The following FAF1 variants were observed in gnomAD, a reference collection of about 807,000 sequenced individuals.
FAF1 encodes the protein FAS-associated factor 1.
In FAF1, 25 loss-of-function variants were observed where a neutral mutation model predicts 92.5. That is an observed-to-expected ratio of 0.27 (90% CI 0.20 to 0.38). The LOEUF (loss-of-function observed/expected upper bound fraction) is 0.38, where lower values mean the gene tolerates loss of function less well. Ranked by LOEUF, FAF1 falls within the 10% of genes least tolerant of loss-of-function variation. The pLI is 1.00. For synonymous variants in FAF1, 234 were observed against 273.2 expected (o/e 0.86, Z 1.42); for missense variants, 636 against 793.3 (o/e 0.80, Z 2.38).
At chr1:50,762,537 A>T (rs1341478153) in intron 4 of FAF1, among the ~76,000 whole-genome samples, 1 of 152,078 alleles carries the variant, frequency 6.6e-6, no homozygotes, top group Non-Finnish European at 1.5e-5. Context: ...ATAACACCAC[A>T]TATCTACAAC....
chr1:50,681,572 A>G lies in FAF1; in HGVS notation c.657+24214T>C, dbSNP rs368216269. On this transcript the variant is annotated intron_variant, in intron 7 of 18. Coordinates refer to ENST00000396153, the MANE Select transcript of FAF1 (RefSeq NM_007051.3). Reference sequence around the variant, plus strand: ...GCCCATGCTCGAGTGCAATGGCGCAATCTCGTCTCACTGAAACCTCTGCCC... The same window carrying G: ...GCCCATGCTCGAGTGCAATGGCGCAGTCTCGTCTCACTGAAACCTCTGCCC... Among the ~76,000 whole-genome samples, 28 of 151,620 alleles carry G rather than the reference A, an allele frequency of 1.8e-4. No homozygotes were observed. In the South Asian group the frequency reaches 4.6e-3, roughly 25 times the overall value.
chr1:50,450,444 C>T (rs948256484), intron 18 of FAF1, among the ~76,000 whole-genome samples: 1 of 152,150 alleles, frequency 6.6e-6, no homozygotes, highest in Admixed American at 6.5e-5. Context: ...CCAGTCATTA[C>T]CCTTCACTGC....
intron 1 of FAF1, among the ~76,000 whole-genome samples, chr1:50,896,819 G>C (rs779680243): frequency 7.9e-5 from 12 of 152,200 alleles, no homozygotes; most frequent in Admixed American, 2.0e-4. Context: ...AATGCATACA[G>C]AGTTTCAGTT....
At chr1:50,794,126 G>A (rs955653899) in intron 3 of FAF1, among the ~76,000 whole-genome samples, 2 of 152,214 alleles carry the variant, frequency 1.3e-5, no homozygotes, top group African/African-American at 2.4e-5. Flanking sequence ...GCATGTTAGG[G>A]ATTAGCAGAC....
chr1:50,815,201 T>C (rs1247200410), intron 2 of FAF1, among the ~76,000 whole-genome samples: 3 of 152,132 alleles, frequency 2.0e-5, no homozygotes, highest in Admixed American at 6.5e-5. Context: ...GCAGAGTACC[T>C]AATAGGTACT....
chr1:50,655,997 T>C (rs1655091469), intron 7 of FAF1, among the ~76,000 whole-genome samples: 1 of 152,180 alleles, frequency 6.6e-6, no homozygotes, highest in Admixed American at 6.5e-5. Context: ...ATTGTCTTCA[T>C]ATTTTTTATG....
chr1:50,869,306 T>C lies in FAF1; in HGVS notation c.46-11309A>G, dbSNP rs11205786. Reference sequence around the variant, plus strand: ...TAGTCAGGTCTTGCTTTTTATCCACTACAACAACATCTGCCTCTATATCAA... The same window carrying C: ...TAGTCAGGTCTTGCTTTTTATCCACCACAACAACATCTGCCTCTATATCAA... On this transcript the variant is annotated intron_variant, in intron 1 of 18. Coordinates refer to ENST00000396153, the MANE Select transcript of FAF1 (RefSeq NM_007051.3). 9.9e-3 allele frequency among the ~76,000 whole-genome samples: 1,509 copies of C among 152,280 alleles called. 23 individuals are homozygous for C. Among genetic ancestry groups the C allele is most frequent in the African/African-American group, 0.034 (1,432 of 41,586 alleles).
In FAF1 at chr1:50,593,902, T is replaced by G. The variant is rs552702722; in HGVS notation, c.840+2219A>C. 1.8e-4 allele frequency among the ~76,000 whole-genome samples: 27 copies of G among 152,322 alleles called. No homozygotes were observed. The South Asian group carries it at 5.6e-3, about 32-fold the overall frequency. On this transcript the variant is annotated intron_variant, in intron 9 of 18. Transcript: ENST00000396153. ...GCTTCCATAATGGGTGTCCAAAATA[T>G]ATAGGCAGTTTAAATAAAAATGAGC... is the stretch of plus-strand genomic sequence containing the variant.
At chr1:50,838,087 T>G (rs1050938671) in intron 2 of FAF1, among the ~76,000 whole-genome samples, 1 of 151,998 alleles carries the variant, frequency 6.6e-6, no homozygotes, top group Admixed American at 6.5e-5. Context: ...ATAAAGCACC[T>G]CTATCATCCC....
intron 13 of FAF1, among the ~76,000 whole-genome samples, chr1:50,557,022 A>G (rs1455849337): frequency 6.6e-6 from 1 of 152,196 alleles, no homozygotes; most frequent in Non-Finnish European, 1.5e-5. Context: ...GAGACAGTAA[A>G]TTATTTGAGA....
intron 7 of FAF1, among the ~76,000 whole-genome samples, chr1:50,655,939 G>C (rs1231793671): frequency 6.6e-6 from 1 of 152,178 alleles, no homozygotes; most frequent in African/African-American, 2.4e-5. Flanking sequence ...GTGAAGGGTA[G>C]TGGGGTTTTA....
chr1:50,686,688 A>C (rs954681850), intron 7 of FAF1, among the ~76,000 whole-genome samples: 17 of 152,150 alleles, frequency 1.1e-4, no homozygotes, highest in African/African-American at 4.1e-4. Flanking sequence ...CTTAATATCA[A>C]ACTCAAGAAA....
At chr1:50,566,260 A>G (rs1020542332) in intron 13 of FAF1, among the ~76,000 whole-genome samples, 6 of 152,114 alleles carry the variant, frequency 3.9e-5, no homozygotes, top group African/African-American at 9.6e-5. Context: ...AAGACAAATC[A>G]GATGGTTTCT....
At chr1:50,468,311 G>T (rs998545624) in intron 18 of FAF1, among the ~76,000 whole-genome samples, 3 of 151,526 alleles carry the variant, frequency 2.0e-5, no homozygotes, top group Non-Finnish European at 2.9e-5. Context: ...TATTTTTTTT[G>T]AGACAGAGTC....
chr1:50,890,681 A>C (rs558760507), intron 1 of FAF1, among the ~76,000 whole-genome samples: 1 of 152,196 alleles, frequency 6.6e-6, no homozygotes, highest in Non-Finnish European at 1.5e-5. Flanking sequence ...AGAATGCTGA[A>C]TATTGGTCCC....
chr1:50,487,691 C>A (rs1219754672), intron 17 of FAF1, among the ~76,000 whole-genome samples: 1 of 152,184 alleles, frequency 6.6e-6, no homozygotes, highest in Non-Finnish European at 1.5e-5. Context: ...AATTTCCCTG[C>A]AACCAAGGTG....
intron 1 of FAF1, among the ~76,000 whole-genome samples, chr1:50,936,410 T>C (rs1235250458): frequency 2.0e-5 from 3 of 152,088 alleles, no homozygotes; most frequent in Non-Finnish European, 4.4e-5. Flanking sequence ...TCACAGGAGA[T>C]AATAATGCCT....
At chr1:50,495,588 T>C (rs1213580929) in intron 15 of FAF1, among the ~76,000 whole-genome samples, 1 of 152,228 alleles carries the variant, frequency 6.6e-6, no homozygotes, top group Non-Finnish European at 1.5e-5. Context: ...CAGATATCTC[T>C]TTGATATACT....
intron 6 of FAF1, among the ~76,000 whole-genome samples, chr1:50,716,878 G>A (rs1658199111): frequency 6.6e-6 from 1 of 152,206 alleles, no homozygotes; most frequent in African/African-American, 2.4e-5. Context: ...CTTCCACGCT[G>A]TGGAAGCTTT....
Sources: gnomAD v4.1 joint callset for allele counts (sites outside exome capture counted in the v4.1 genomes callset) on GRCh38, gnomAD v4.1.1 for gene constraint, MANE v1.5 for transcripts, NCBI Gene and HGNC (gene_info 2026-07-23, HGNC 2026-07-21) for gene names.